Variants in MACROD2 observed in about 807,000 individuals in gnomAD.
MACROD2 encodes the protein ADP-ribose glycohydrolase MACROD2.
Under a neutral mutation model 70.4 loss-of-function variants are expected in MACROD2, and 36 were observed. The observed-to-expected ratio is 0.51, with a 90% CI of 0.39 to 0.68. The LOEUF is 0.68. Among genes scored for constraint, MACROD2 ranks in the 30% least tolerant of loss-of-function variants. The pLI is 0.00. For missense variants in MACROD2, 496 were observed against 538.4 expected (o/e 0.92, Z 0.78); for synonymous variants, 172 against 178.8 (o/e 0.96, Z 0.30).
intron 8 of MACROD2, among the ~76,000 whole-genome samples, chr20:15,813,316 C>T (rs1047086927): frequency 7.9e-5 from 12 of 152,174 alleles, no homozygotes; most frequent in Non-Finnish European, 1.5e-4. Context: ...ATGATGAATG[C>T]TCATATAAAA....
chr20:15,409,161 A>C (rs1040034395), intron 6 of MACROD2, among the ~76,000 whole-genome samples: 6 of 152,208 alleles, frequency 3.9e-5, no homozygotes, highest in African/African-American at 1.4e-4. Flanking sequence ...TTTGTGCAAT[A>C]ATATAACCAC....
chr20:15,173,493 T>C (rs1208254229), intron 5 of MACROD2, among the ~76,000 whole-genome samples: 3 of 152,208 alleles, frequency 2.0e-5, no homozygotes, highest in Non-Finnish European at 4.4e-5. Context: ...GAATGTCTTA[T>C]TGTAGAGAAA....
chr20:14,638,432 A>G (rs1302661205), intron 4 of MACROD2, among the ~76,000 whole-genome samples: 4 of 152,082 alleles, frequency 2.6e-5, no homozygotes, highest in East Asian at 3.9e-4. Context: ...GGTAACCCCA[A>G]TTTAGGCCAC....
intron 5 of MACROD2, among the ~76,000 whole-genome samples, chr20:14,688,016 T>C (rs2071022063): frequency 6.6e-6 from 1 of 152,200 alleles, no homozygotes; most frequent in African/African-American, 2.4e-5. Flanking sequence ...GATGTTTTTC[T>C]TTCTCATCAA....
At chr20:14,134,618 A>C (rs1020592653) in intron 3 of MACROD2, among the ~76,000 whole-genome samples, 2 of 152,088 alleles carry the variant, frequency 1.3e-5, no homozygotes, top group Non-Finnish European at 2.9e-5. Flanking sequence ...CATCCTGGCC[A>C]ACATGGTGAA....
chr20:14,955,548 G>T (rs539667272), intron 5 of MACROD2, among the ~76,000 whole-genome samples: 2 of 151,820 alleles, frequency 1.3e-5, no homozygotes, highest in South Asian at 2.1e-4. Flanking sequence ...CTTTTTCCAG[G>T]CCTGTGTGGC....
At chr20:15,935,298 G>A (rs1431735328) in intron 11 of MACROD2, among the ~76,000 whole-genome samples, 1 of 152,126 alleles carries the variant, frequency 6.6e-6, no homozygotes, top group East Asian at 1.9e-4. Flanking sequence ...GCATCCCTGA[G>A]TGACTCCCCT....
chr20:14,936,568 C>T (rs1382549936), intron 5 of MACROD2, among the ~76,000 whole-genome samples: 1 of 152,008 alleles, frequency 6.6e-6, no homozygotes, highest in Admixed American at 6.6e-5. Flanking sequence ...TTGTAGCTCT[C>T]TCTCCTCCAG....
At chr20:15,817,388 A>G (rs1239115699) in intron 8 of MACROD2, among the ~76,000 whole-genome samples, 1 of 152,174 alleles carries the variant, frequency 6.6e-6, no homozygotes, top group East Asian at 1.9e-4. Context: ...CTCACAATTG[A>G]TCAGCCTCCC....
At chr20:15,937,340 G>C (rs2065679916) in intron 11 of MACROD2, 136 bp from the exon 12 acceptor site, 1 of 719,454 alleles carries the variant, frequency 1.4e-6, no homozygotes, top group South Asian at 1.6e-5. Context: ...CCTTCAAAGA[G>C]CATTCAGTGT....
intron 3 of MACROD2, chr20:14,325,462 T>C: frequency 5.3e-6 from 7 of 1,319,926 alleles, no homozygotes; most frequent in Non-Finnish European, 7.3e-6. Flanking sequence ...TTTCAGTCTC[T>C]TTTTCCAGTG....
At chr20:15,656,522 CTCTGAATA>C (rs1190335904) in intron 8 of MACROD2, among the ~76,000 whole-genome samples, 1 of 152,158 alleles carries the variant, frequency 6.6e-6, no homozygotes, top group Non-Finnish European at 1.5e-5. Flanking sequence ...TGAGCCCTAT[CTCTGAATA>C]TTGGATAAAG....
intron 10 of MACROD2, among the ~76,000 whole-genome samples, chr20:15,908,202 A>G (rs956464641): frequency 6.6e-6 from 1 of 152,180 alleles, no homozygotes; most frequent in Non-Finnish European, 1.5e-5. Context: ...AGACCAGTGG[A>G]AGTCATTTAA....
chr20:14,106,681 C>T (rs1418318101), intron 3 of MACROD2, among the ~76,000 whole-genome samples: 1 of 152,078 alleles, frequency 6.6e-6, no homozygotes, highest in Non-Finnish European at 1.5e-5. Flanking sequence ...GTGGTGGTCA[C>T]AAGGATATGT....
In MACROD2 at chr20:14,123,601, A is replaced by T. The variant is rs115594297; in HGVS notation, c.271+37873A>T. ...CCCTAGATACCAGCCTACCTAACGA[A>T]GCCTTCTAAAATAGTGGGCTTTAGA... On this transcript the variant is annotated intron_variant, in intron 3 of 17. Coordinates refer to ENST00000684519, the MANE Select transcript of MACROD2 (RefSeq NM_001351661.2). Among the ~76,000 whole-genome samples the T allele has an allele frequency of 7.4e-3, 1,134 of 152,264 alleles. 20 individuals carry two copies. The highest frequency in any genetic ancestry group is 0.026 in the African/African-American group (1,070 of 41,546).
chr20:15,311,955 A>C (rs1431707676), intron 6 of MACROD2, among the ~76,000 whole-genome samples: 3 of 152,216 alleles, frequency 2.0e-5, no homozygotes, highest in African/African-American at 7.2e-5. Flanking sequence ...ACAAAACCAA[A>C]GTGAAATTTT....
chr20:14,757,955 C>A (rs1600632881), intron 5 of MACROD2: 2 of 931,964 alleles, frequency 2.1e-6, no homozygotes, highest in Non-Finnish European at 3.5e-6. Flanking sequence ...GAGTGCTGTG[C>A]CCCCTGGTGC....
In MACROD2 at chr20:14,969,399, CACAT is replaced by C. The variant is rs1159182145; in HGVS notation, c.419-260539_419-260536del. Reference sequence around the variant, plus strand: ...ACACACACACACACACACACACACACACATATATAAGCATTTATTCAGCACAGAT... The same window carrying C: ...ACACACACACACACACACACACACACATATAAGCATTTATTCAGCACAGAT... On this transcript the variant is annotated intron_variant, in intron 5 of 17. Coordinates refer to ENST00000684519, the MANE Select transcript of MACROD2 (RefSeq NM_001351661.2). Among the ~76,000 whole-genome samples the C allele has an allele frequency of 3.1e-3, 447 of 142,538 alleles. 1 individual carries two copies. Among genetic ancestry groups the C allele is most frequent in the Middle Eastern group, 0.011 (3 of 268 alleles). The allele number at this position is 142,538 out of a possible 152,430, so 93.5% of individuals were successfully genotyped here. A position where few individuals can be genotyped will look rare whatever the true frequency, so the allele number is the denominator to read the frequency against.
chr20:15,001,117 AG>A (rs2074991991), intron 5 of MACROD2, among the ~76,000 whole-genome samples: 1 of 152,182 alleles, frequency 6.6e-6, no homozygotes, highest in Non-Finnish European at 1.5e-5. Flanking sequence ...TGGACGGAGA[AG>A]GTTAGAATGA....
Sources: gnomAD v4.1 joint callset for allele counts (sites outside exome capture counted in the v4.1 genomes callset) on GRCh38, gnomAD v4.1.1 for gene constraint, MANE v1.5 for transcripts, NCBI Gene and HGNC (gene_info 2026-07-23, HGNC 2026-07-21) for gene names.